F10: variants seen among roughly 807,000 people sequenced by gnomAD.
F10 encodes the protein coagulation factor X.
A neutral mutation model predicts 37.1 loss-of-function variants in F10; 29 were observed. The ratio of observed to expected loss-of-function variants is 0.78; its 90% CI spans 0.58 to 1.07. The LOEUF (loss-of-function observed/expected upper bound fraction) is 1.07, where lower values mean the gene tolerates loss of function less well. Among genes scored for constraint, F10 ranks in the 50% least tolerant of loss-of-function variants. The probability of loss-of-function intolerance (pLI) is 0.00; values close to 1 mark genes in which losing one functional copy is unlikely to be tolerated. For missense variants in F10, 539 were observed against 667.9 expected (o/e 0.81, Z 2.13); for synonymous variants, 262 against 268.6 (o/e 0.98, Z 0.24).
At chr13:113,145,035 C>T (rs184586376) in intron 6 of F10, among the ~76,000 whole-genome samples, 129 of 152,268 alleles carry the variant, frequency 8.5e-4, no homozygotes, top group Non-Finnish European at 1.2e-3. Flanking sequence ...CCTGCCACCA[C>T]GCCCAGCTAA....
chr13:113,146,621 A>G lies in F10; in HGVS notation c.748-758A>G, dbSNP rs750239212. On this transcript the variant is annotated intron_variant, in intron 6 of 7. Transcript: ENST00000375559. The surrounding 1 kb of genome is among the most constrained non-coding windows in gnomAD (Gnocchi z 4.5). ...AAGCTGGATGATGAGTTGACAAATT[A>G]TGCAAAAAAGAGGCAAAAACATGAC... Among the ~76,000 whole-genome samples, 89 of 152,238 alleles carry G rather than the reference A, an allele frequency of 5.8e-4. No homozygotes were observed. The highest frequency in any genetic ancestry group is 9.6e-4 in the Non-Finnish European group (65 of 68,044).
At position 113,122,888 on chromosome 13, in the gene F10, T is replaced by C. The variant is rs1270373847; in HGVS notation, c.33T>C (p.Ser11=). ...GCCCACTGCACCTCGTCCTGCTCAG[T>C]GCCTCCCTGGCTGGCCTCCTGCTGC... The part of the protein sequence containing the change: MGRPLHLVLL[S]ASLAGLLLLG... The change falls in exon 1 of 8, where the codon AGT becomes AGC. Residue 11 remains serine (S), a synonymous_variant. Transcript: ENST00000375559. 6.2e-7 allele frequency: 1 copy of C among 1,610,878 alleles called. No individual in the cohort carries two copies. Among genetic ancestry groups the C allele is most frequent in the Admixed American group, 1.7e-5 (1 of 60,004 alleles).
chr13:113,137,176 CAAGT>C (rs2036486942), intron 2 of F10, among the ~76,000 whole-genome samples: 2 of 152,156 alleles, frequency 1.3e-5, no homozygotes, highest in African/African-American at 4.8e-5. Flanking sequence ...TCAGCAACAA[CAAGT>C]AAGAAAGTAT....
At chr13:113,135,465 C>T (rs190241874) in intron 2 of F10, among the ~76,000 whole-genome samples, 9 of 152,264 alleles carry the variant, frequency 5.9e-5, no homozygotes, top group Admixed American at 1.3e-4. Context: ...CAAGACGGTG[C>T]CTCATGGCTG....
chr13:113,138,623 T>C, intron 3 of F10, 142 bp downstream of exon 3: 1 of 607,294 alleles, frequency 1.6e-6, no homozygotes, highest in Non-Finnish European at 3.0e-6. Context: ...GTTTCCATAA[T>C]AGTTATTGTA....
chr13:113,123,469 G>A (rs1047035032), intron 1 of F10, among the ~76,000 whole-genome samples: 3 of 152,170 alleles, frequency 2.0e-5, no homozygotes, highest in African/African-American at 7.2e-5. Context: ...GGCTGTCCAG[G>A]ACCCCCGGGT....
intron 1 of F10, among the ~76,000 whole-genome samples, chr13:113,125,509 A>G (rs976462568): frequency 1.3e-5 from 2 of 152,250 alleles, no homozygotes; most frequent in South Asian, 2.1e-4. Context: ...ATGTCTACCA[A>G]TCTGGATGCT....
At chr13:113,129,717 C>A (rs1215197711) in intron 2 of F10, 105 bp downstream of exon 2, 13 of 1,482,646 alleles carry the variant, frequency 8.8e-6, no homozygotes, top group Non-Finnish European at 1.2e-5. Flanking sequence ...GAGGAAGGGG[C>A]AGCGTGCGCG....
At chr13:113,148,504 G>A (rs1011574028) in intron 7 of F10, among the ~76,000 whole-genome samples, 7 of 151,486 alleles carry the variant, frequency 4.6e-5, no homozygotes, top group Non-Finnish European at 1.0e-4. Context: ...AACACATTCC[G>A]CACATTTTCT....
chr13:113,143,866 G>C lies in F10; in HGVS notation c.518G>C (p.Gly173Ala). 1 of 1,612,880 alleles carries C rather than the reference G, an allele frequency of 6.2e-7. No individual in the cohort carries two copies. Among genetic ancestry groups the C allele is most frequent in the Non-Finnish European group, 8.5e-7 (1 of 1,180,018 alleles). The part of the protein sequence containing the change: ...ACIPTGPYPC[G>A]KQTLERRKRS... ...TTTCTTTCAGGGCCCTACCCCTGTGGGAAACAGACCCTGGAACGCAGGAAG... is the reference window on the plus strand; with the variant it reads ...TTTCTTTCAGGGCCCTACCCCTGTGCGAAACAGACCCTGGAACGCAGGAAG... Residue 173 changes from glycine to alanine, a missense_variant, in exon 6 of 8, where the codon GGG (glycine) becomes GCG (alanine). By Grantham distance (60) the Gly-to-Ala change is moderately conservative (BLOSUM62 0). Transcript: ENST00000375559. The surrounding 1 kb of genome is among the most constrained non-coding windows in gnomAD (Gnocchi z 6.8).
At chr13:113,129,372 T>A in intron 1 of F10, 80 bp from the exon 2 acceptor site, 1 of 1,567,182 alleles carries the variant, frequency 6.4e-7, no homozygotes. Flanking sequence ...GCAAGGGACA[T>A]GGCAGTCAGG....
rs906104273 is a variant in F10, at chr13:113,141,111, C to T, written c.502+61C>T. ...GCTGGGCCGGGCCAGGGAGGACAAG[C>T]CCGTGCCAGGGGGTGGGGACACAGG... On this transcript the variant is annotated intron_variant, in intron 5 of 7. Coordinates refer to ENST00000375559, the MANE Select transcript of F10 (RefSeq NM_000504.4). This position sits in a 1 kb window ranked among gnomAD's most constrained non-coding sequence, Gnocchi z 5.4. 3.1e-6 allele frequency: 5 copies of T among 1,605,254 alleles called. No individual in the cohort carries two copies. Among genetic ancestry groups the T allele is most frequent in the Admixed American group, 3.3e-5 (2 of 59,702 alleles).
Position 113,149,023 on chromosome 13 carries a change from G to A in F10, c.973G>A (p.Val325Met), listed in dbSNP as rs373791924. Reference sequence around the variant, plus strand: ...GGAGACCTATGACTTCGACATCGCCGTGCTCCGGCTCAAGACCCCCATCAC... The same window carrying A: ...GGAGACCTATGACTTCGACATCGCCATGCTCCGGCTCAAGACCCCCATCAC... Reference protein sequence around the residue: ...TKETYDFDIAVLRLKTPITFR... With the variant: ...TKETYDFDIAMLRLKTPITFR... The change falls in exon 8 of 8, where the codon GTG becomes ATG. Residue 325 changes from valine (V) to methionine (M), a missense_variant. Val to Met is a conservative substitution (Grantham distance 21). Coordinates refer to ENST00000375559, the MANE Select transcript of F10 (RefSeq NM_000504.4). This position sits in a 1 kb window ranked among gnomAD's most constrained non-coding sequence, Gnocchi z 7.5. The A allele has an allele frequency of 2.0e-5, 33 of 1,613,374 alleles. No homozygotes were observed. Among genetic ancestry groups the A allele is most frequent in the Middle Eastern group, 1.6e-4 (1 of 6,084 alleles).
Position 113,147,522 on chromosome 13 carries a change from C to T in F10, c.865+26C>T, listed in dbSNP as rs183118165. The stretch of plus-strand genomic sequence containing the variant: ...GTAAGTGACCAACAGCCCCCAGGGC[C>T]GTGGTGAGGGGCACCGTCACTGTCT... On this transcript the variant is annotated intron_variant, in intron 7 of 7. Transcript: ENST00000375559. 2.5e-3 allele frequency: 3,558 copies of T among 1,397,266 alleles called. 13 individuals are homozygous for T. The highest frequency in any genetic ancestry group is 3.1e-3 in the Non-Finnish European group (3,065 of 980,648). The allele number at this position is 1,397,266 out of a possible 1,614,324, so 86.6% of individuals were successfully genotyped here.
chr13:113,129,669 C>G lies in F10; in HGVS notation c.231+57C>G, dbSNP rs535165243. 9 of 1,608,254 alleles carry G rather than the reference C, an allele frequency of 5.6e-6. No homozygotes were observed. The East Asian group carries it at 8.9e-5, about 16-fold the overall frequency. The stretch of plus-strand genomic sequence containing the variant: ...AGGAGCTCAGGCCACAGCGCCCTCG[C>G]TGGCCCCGCTGCTCCGTCCATCCAG... On this transcript the variant is annotated intron_variant, in intron 2 of 7. Coordinates refer to ENST00000375559, the MANE Select transcript of F10 (RefSeq NM_000504.4).
Position 113,139,274 on chromosome 13 carries a change from G to A in F10, c.257-83G>A. The A allele has an allele frequency of 9.0e-7, 1 of 1,107,302 alleles. No homozygotes were observed. The highest frequency in any genetic ancestry group is 1.4e-6 in the Non-Finnish European group (1 of 733,338). 68.6% of individuals were successfully genotyped at this position (1,107,302 alleles called of 1,614,324 possible). On this transcript the variant is annotated intron_variant, in intron 3 of 7. Coordinates refer to ENST00000375559, the MANE Select transcript of F10 (RefSeq NM_000504.4). This position sits in a 1 kb window ranked among gnomAD's most constrained non-coding sequence, Gnocchi z 5.2. ...GACTCTTCCAGTTATCTGAACGGCAGGGCCAAGGTTAGCACAGCAAAACTG... is the reference window on the plus strand; with the variant it reads ...GACTCTTCCAGTTATCTGAACGGCAAGGCCAAGGTTAGCACAGCAAAACTG...
In F10 at chr13:113,144,878, CTAAT is replaced by C. The variant is rs2036566286; in HGVS notation, c.747+785_747+788del. 7.0e-6 allele frequency among the ~76,000 whole-genome samples: 1 copy of C among 143,102 alleles called. No individual in the cohort carries two copies. Among genetic ancestry groups the C allele is most frequent in the African/African-American group, 2.7e-5 (1 of 36,902 alleles). 93.9% of individuals were successfully genotyped at this position (143,102 alleles called of 152,430 possible). Reference sequence around the variant, plus strand: ...ACGGGCGCCCGCTACTTACGCCTGGCTAATTTTTTTTTTTTTTTGAGACGGAGTC... The same window carrying C: ...ACGGGCGCCCGCTACTTACGCCTGGCTTTTTTTTTTTTTTGAGACGGAGTC... On this transcript the variant is annotated intron_variant, in intron 6 of 7. Transcript: ENST00000375559. The surrounding 1 kb of genome is among the most constrained non-coding windows in gnomAD (Gnocchi z 6.4).
chr13:113,148,825 A>T (rs41286608), intron 7 of F10, 91 bp from the exon 8 acceptor site: 10 of 1,526,590 alleles, frequency 6.6e-6, no homozygotes, highest in East Asian at 2.3e-5. Context: ...TTTTTAATTT[A>T]AAAAAATATA....
Position 113,143,707 on chromosome 13 carries a change from C to CTA in F10, c.503-144_503-143insTA. On this transcript the variant is annotated intron_variant, in intron 5 of 7. Transcript: ENST00000375559. This position sits in a 1 kb window ranked among gnomAD's most constrained non-coding sequence, Gnocchi z 6.8. ...TCCGACCCCTGCCGACGACGTGGGG[C>CTA]CTCGCCCTGCAAGCCCGCTGCCCCT... 2.4e-6 allele frequency: 3 copies of CTA among 1,227,160 alleles called. No individual in the cohort carries two copies. Among genetic ancestry groups the CTA allele is most frequent in the Admixed American group, 2.3e-5 (1 of 43,880 alleles). 76.0% of individuals were successfully genotyped at this position (1,227,160 alleles called of 1,614,324 possible).
Sources: allele counts gnomAD v4.1 joint callset (sites outside exome capture counted in the v4.1 genomes callset), GRCh38; gene constraint gnomAD v4.1.1; non-coding constraint Gnocchi (gnomAD v3.1); transcripts MANE v1.5; gene names NCBI Gene and HGNC (gene_info 2026-07-23, HGNC 2026-07-21).